The following SLC26A7 variants were observed in gnomAD, a reference collection of about 807,000 sequenced individuals.
SLC26A7 encodes anion exchange transporter.
In SLC26A7, 59 loss-of-function variants were observed where a neutral mutation model predicts 82.5. The ratio of observed to expected loss-of-function variants is 0.72; its 90% CI spans 0.58 to 0.89. SLC26A7 has a LOEUF of 0.89. Ranked by LOEUF, SLC26A7 falls within the 40% of genes least tolerant of loss-of-function variation. SLC26A7 has a pLI of 0.00. For missense variants in SLC26A7, 820 were observed against 793.0 expected (o/e 1.03, Z -0.41); for synonymous variants, 271 against 274.3 (o/e 0.99, Z 0.12).
intron 9 of SLC26A7, chr8:91,344,011 A>G: frequency 3.3e-6 from 3 of 920,904 alleles, no homozygotes; most frequent in Non-Finnish European, 3.9e-6. Flanking sequence ...TACTGGTAAG[A>G]TGATGATGAT....
chr8:91,240,181 C>G (rs889499433), intron 2 of SLC26A7, among the ~76,000 whole-genome samples: 2 of 152,138 alleles, frequency 1.3e-5, no homozygotes, highest in African/African-American at 4.8e-5. Context: ...CATATTACAG[C>G]ACTTCAAATA....
At position 91,318,149 on chromosome 8, in the gene SLC26A7, T is replaced by C. The variant is rs1474533208; in HGVS notation, c.478-67T>C. 4 of 1,368,010 alleles carry C rather than the reference T, an allele frequency of 2.9e-6. No homozygotes were observed. The African/African-American group carries it at 5.8e-5, about 20-fold the overall frequency. 84.7% of individuals were successfully genotyped at this position (1,368,010 alleles called of 1,614,324 possible). A position where few individuals can be genotyped will look rare whatever the true frequency, so the allele number is the denominator to read the frequency against. ...AATGAAAATGAGAATGTGTCAAATA[T>C]TAAGCCCTCTGGGAACTTTGGGGAG... On this transcript the variant is annotated intron_variant, in intron 4 of 18. Coordinates refer to ENST00000276609, the MANE Select transcript of SLC26A7 (RefSeq NM_052832.4).
chr8:91,321,677 A>C (rs1026349116), intron 5 of SLC26A7, among the ~76,000 whole-genome samples: 1 of 152,094 alleles, frequency 6.6e-6, no homozygotes, highest in Non-Finnish European at 1.5e-5. Flanking sequence ...TTTACTTTTT[A>C]AATTTGTTCT....
intron 2 of SLC26A7, among the ~76,000 whole-genome samples, chr8:91,287,551 T>G (rs1486179102): frequency 2.0e-5 from 3 of 152,224 alleles, no homozygotes; most frequent in African/African-American, 7.2e-5. Context: ...CCAGGAGCTT[T>G]TGCTAAATAT....
chr8:91,315,761 C>CG (rs1812612975), intron 4 of SLC26A7, among the ~76,000 whole-genome samples: 1 of 152,148 alleles, frequency 6.6e-6, no homozygotes, highest in Non-Finnish European at 1.5e-5. Context: ...TGTGGCCCTT[C>CG]CTACATTTTC....
chr8:91,368,906 G>T (rs1814276070), intron 14 of SLC26A7, among the ~76,000 whole-genome samples: 1 of 152,208 alleles, frequency 6.6e-6, no homozygotes, highest in African/African-American at 2.4e-5. Flanking sequence ...GATGGAAATT[G>T]TATAGCTGAT....
Position 91,372,099 on chromosome 8 carries a change from T to G in SLC26A7, c.1675+2266T>G, listed in dbSNP as rs899344355. Among the ~76,000 whole-genome samples, 4 of 151,634 alleles carry G rather than the reference T, an allele frequency of 2.6e-5. 1 individual carries two copies. The highest frequency in any genetic ancestry group is 5.9e-5 in the Non-Finnish European group (4 of 67,600). On this transcript the variant is annotated intron_variant, in intron 15 of 18. Transcript: ENST00000276609. ...AGTGGGGTTATTTTCTTTTTCTCATTGAAGTTCAAATTCCTTATAGATTCT... is the reference window on the plus strand; with the variant it reads ...AGTGGGGTTATTTTCTTTTTCTCATGGAAGTTCAAATTCCTTATAGATTCT...
At chr8:91,209,766 T>C (rs1809872455) in intron 1 of SLC26A7, among the ~76,000 whole-genome samples, 1 of 152,220 alleles carries the variant, frequency 6.6e-6, no homozygotes, top group South Asian at 2.1e-4. Context: ...TACTGCATGA[T>C]GAACCTTATC....
intron 5 of SLC26A7, among the ~76,000 whole-genome samples, chr8:91,325,598 G>A (rs1432249208): frequency 1.3e-5 from 2 of 152,134 alleles, no homozygotes; most frequent in African/African-American, 4.8e-5. Flanking sequence ...TAAGACTGGA[G>A]GGTGAGAAGA....
rs1331636950 is a variant in SLC26A7, at chr8:91,395,168, C to T, written c.*71C>T. The T allele has an allele frequency of 6.2e-7, 1 of 1,605,342 alleles. No homozygotes were observed. The highest frequency in any genetic ancestry group is 8.5e-7 in the Non-Finnish European group (1 of 1,176,262). ...AGAGGCCATATGCTGGCATTTTGCA[C>T]AACTTTTTGGTTGTTTAGATCCTAC... On this transcript the variant is annotated 3_prime_UTR_variant, in exon 19 of 19. Transcript: ENST00000276609.
chr8:91,384,791 G>A (rs1814755917), intron 15 of SLC26A7, among the ~76,000 whole-genome samples: 1 of 152,090 alleles, frequency 6.6e-6, no homozygotes. Flanking sequence ...AGGAAGGAAG[G>A]AAGGAAAGAA....
intron 5 of SLC26A7, among the ~76,000 whole-genome samples, chr8:91,330,356 G>C (rs1813046463): frequency 6.6e-6 from 1 of 152,044 alleles, no homozygotes; most frequent in African/African-American, 2.4e-5. Flanking sequence ...GGGCCAGATG[G>C]GCTGAGTCCT....
intron 5 of SLC26A7, among the ~76,000 whole-genome samples, chr8:91,328,596 A>G (rs914332940): frequency 2.6e-5 from 4 of 152,254 alleles, no homozygotes; most frequent in Middle Eastern, 3.4e-3. Context: ...TGTTACTATT[A>G]CTATGCTAGA....
At chr8:91,234,908 G>C (rs979384932) in intron 2 of SLC26A7, among the ~76,000 whole-genome samples, 15 of 126,536 alleles carry the variant, frequency 1.2e-4, no homozygotes, top group Non-Finnish European at 2.2e-4. Flanking sequence ...CTCTCTCTCT[G>C]TTTCTTTCTT....
At chr8:91,309,516 A>G (rs1412754033) in intron 4 of SLC26A7, among the ~76,000 whole-genome samples, 1 of 151,918 alleles carries the variant, frequency 6.6e-6, no homozygotes, top group Non-Finnish European at 1.5e-5. Context: ...ATATTGCAAT[A>G]TAATACATAT....
rs138975344 is a variant in SLC26A7 at position 91,288,285 on chromosome 8, G to A, written c.194-851G>A. 8.7e-3 allele frequency among the ~76,000 whole-genome samples: 1,318 copies of A among 152,168 alleles called. 10 individuals are homozygous for A. Among genetic ancestry groups the A allele is most frequent in the African/African-American group, 0.03 (1,252 of 41,504 alleles). The stretch of plus-strand genomic sequence containing the variant: ...CTTTGTAACATGTAAAGTCCTTTAT[G>A]CCCAATTTAATTGAAACATTTGAAT... On this transcript the variant is annotated intron_variant, in intron 2 of 18. Coordinates refer to ENST00000276609, the MANE Select transcript of SLC26A7 (RefSeq NM_052832.4).
At chr8:91,245,431 G>A (rs12334299), upstream of SLC26A7, among the ~76,000 whole-genome samples, 10,723 of 152,080 alleles carry the variant, frequency 0.071, 595 homozygotes, top group African/African-American at 0.15. Flanking sequence ...TACAAATTAC[G>A]CAATTGTGTG....
intron 5 of SLC26A7, among the ~76,000 whole-genome samples, chr8:91,327,199 T>C (rs913277549): frequency 4.6e-5 from 7 of 152,190 alleles, no homozygotes; most frequent in African/African-American, 7.2e-5. Flanking sequence ...ATGTTTTTGC[T>C]TGTTTTTTGT....
chr8:91,368,800 A>G (rs1008118689), intron 14 of SLC26A7, among the ~76,000 whole-genome samples: 8 of 152,232 alleles, frequency 5.3e-5, no homozygotes, highest in Non-Finnish European at 8.8e-5. Context: ...CCCTTTAATC[A>G]GGCTAACTTA....
Sources: gnomAD v4.1 joint callset for allele counts (sites outside exome capture counted in the v4.1 genomes callset) on GRCh38, gnomAD v4.1.1 for gene constraint, MANE v1.5 for transcripts, NCBI Gene and HGNC (gene_info 2026-07-23, HGNC 2026-07-21) for gene names.